Variants in CUBN observed in about 807,000 individuals in gnomAD.
The protein encoded by CUBN is 460 kDa receptor.
Under a neutral mutation model 405.3 loss-of-function variants are expected in CUBN, and 282 were observed. The ratio of observed to expected loss-of-function variants is 0.70; its 90% confidence interval spans 0.63 to 0.77. The LOEUF (loss-of-function observed/expected upper bound fraction) is 0.77, where lower values mean the gene tolerates loss of function less well. Among genes scored for constraint, CUBN ranks in the 30% least tolerant of loss-of-function variants. The pLI is 0.00. For missense variants in CUBN, 4,514 were observed against 4,475.2 expected, an observed-to-expected ratio of 1.01 and a Z score of -0.25; for synonymous variants, 1,684 against 1,617.0, an observed-to-expected ratio of 1.04 and a Z score of -0.99.
chr10:16,888,627 TG>T, intron 55 of CUBN, 61 bp from the exon 56 acceptor site: 1 of 1,501,592 alleles, frequency 6.7e-7, no homozygotes, highest in Non-Finnish European at 9.3e-7. Flanking sequence ...ATTTTGTCCA[TG>T]AAGGAAAGAG....
rs536070557 is a variant in CUBN, at chr10:17,111,527, T to G, written c.884-477A>C. Among the ~76,000 whole-genome samples the G allele has an allele frequency of 2.0e-5, 3 of 152,350 alleles. No individual in the cohort carries two copies. The South Asian group carries it at 6.2e-4, about 32-fold the overall frequency. Reference sequence around the variant, plus strand: ...AGCTGAACACCTTATGACTCATCTTTGTGACCAAATACTAAAAACGCTTTT... The same window carrying G: ...AGCTGAACACCTTATGACTCATCTTGGTGACCAAATACTAAAAACGCTTTT... On this transcript the variant is annotated intron_variant, in intron 8 of 66. Coordinates refer to ENST00000377833, the MANE Select transcript of CUBN (RefSeq NM_001081.4).
chr10:17,056,758 A>G (rs553594535), intron 22 of CUBN, among the ~76,000 whole-genome samples: 53 of 152,300 alleles, frequency 3.5e-4, no homozygotes, highest in African/African-American at 1.2e-3. Context: ...TACCATAAGG[A>G]AAAGAAAAGT....
chr10:17,007,850 A>C (rs2131752801), intron 28 of CUBN, among the ~76,000 whole-genome samples: 1 of 152,268 alleles, frequency 6.6e-6, no homozygotes, highest in African/African-American at 2.4e-5. Flanking sequence ...ACACACACTC[A>C]CACAAATGCA....
intron 56 of CUBN, among the ~76,000 whole-genome samples, chr10:16,883,275 T>C (rs1840715993): frequency 6.6e-6 from 1 of 152,090 alleles, no homozygotes; most frequent in African/African-American, 2.4e-5. Context: ...CTAAGTTCCA[T>C]TGCGCACGAA....
chr10:16,966,051 T>C (rs1325659910), intron 31 of CUBN: 21 of 467,028 alleles, frequency 4.5e-5, no homozygotes, highest in Non-Finnish European at 9.3e-5. Context: ...TGAAGCTAAG[T>C]GAGATATTCA....
intron 59 of CUBN, among the ~76,000 whole-genome samples, chr10:16,864,188 C>T (rs867627213): frequency 6.6e-6 from 1 of 152,134 alleles, no homozygotes; most frequent in Non-Finnish European, 1.5e-5. Context: ...AACAATTGTG[C>T]AAGGCCTGGG....
At chr10:17,106,700 C>CA (rs927667678) in intron 10 of CUBN, among the ~76,000 whole-genome samples, 5 of 151,832 alleles carry the variant, frequency 3.3e-5, no homozygotes, top group African/African-American at 1.2e-4. Flanking sequence ...GACACACACA[C>CA]ACAGCTAGAA....
intron 52 of CUBN, 47 bp from the exon 53 acceptor site, chr10:16,900,897 G>C: frequency 1.6e-6 from 2 of 1,285,520 alleles, no homozygotes; most frequent in Non-Finnish European, 1.1e-6. Context: ...TTTATCAACT[G>C]TTACGAAGAT....
intron 7 of CUBN, among the ~76,000 whole-genome samples, chr10:17,115,192 T>C (rs1488554098): frequency 1.4e-5 from 2 of 144,226 alleles, no homozygotes; most frequent in African/African-American, 2.6e-5. Context: ...TGCAGTGAGC[T>C]GAGATCGTGC....
At chr10:17,004,817 G>A (rs1174856690) in intron 28 of CUBN, among the ~76,000 whole-genome samples, 1 of 151,762 alleles carries the variant, frequency 6.6e-6, no homozygotes, top group East Asian at 1.9e-4. Flanking sequence ...TTACAGGCAC[G>A]CACCACCACA....
chr10:17,122,766 T>C lies in CUBN; in HGVS notation c.593+29A>G, dbSNP rs772034293. 14 of 1,345,334 alleles carry C rather than the reference T, an allele frequency of 1.0e-5. No homozygotes were observed. In the Admixed American group the frequency reaches 1.6e-4, roughly 15 times the overall value. The allele number at this position is 1,345,334 out of a possible 1,614,324, so 83.3% of individuals were successfully genotyped here. ...TTTTAGGCCTTCAAAAATATACTGA[T>C]ATTTACCAAAAAAAAAAAAAAAAGT... On this transcript the variant is annotated intron_variant, in intron 6 of 66. Transcript: ENST00000377833.
intron 49 of CUBN, 68 bp from the exon 50 acceptor site, chr10:16,906,477 T>A (rs753543727): frequency 5.5e-6 from 6 of 1,088,592 alleles, no homozygotes; most frequent in Admixed American, 5.1e-5. Context: ...AGATAAACAA[T>A]ACAGGAACAG....
chr10:16,993,075 A>T (rs1325156675), intron 28 of CUBN, among the ~76,000 whole-genome samples: 1 of 152,330 alleles, frequency 6.6e-6, no homozygotes, highest in East Asian at 1.9e-4. Flanking sequence ...TCGTGTTAAG[A>T]TGTACCACCT....
chr10:16,836,237 G>A lies in CUBN; in HGVS notation c.10178C>T (p.Ala3393Val). 2 of 1,612,994 alleles carry A rather than the reference G, an allele frequency of 1.2e-6. No homozygotes were observed. The highest frequency in any genetic ancestry group is 1.7e-6 in the Non-Finnish European group (2 of 1,179,016). The change falls in exon 63 of 67, where the codon GCA becomes GTA. Residue 3393 changes from alanine (A) to valine (V), a missense_variant and splice_region_variant. Transcript: ENST00000377833. ...AAAGATGAAGTTCCTGGCCTCACCT[G>A]CAATCTGATAGGTGAAACTCATTCT... is the stretch of plus-strand genomic sequence containing the variant. ...NSRMSFTYQI[A>V]DCNRDYHKAF... is the part of the protein sequence containing the mutation.
rs147160034 is a variant in CUBN, at chr10:16,877,032, T to G, written c.8971A>C (p.Met2991Leu). Residue 2991 changes from methionine to leucine, a missense_variant, in exon 57 of 67, where the codon ATG becomes CTG. Physicochemically the swap from Met to Leu is conservative, Grantham distance 15 (BLOSUM62 2). Coordinates refer to ENST00000377833, the MANE Select transcript of CUBN (RefSeq NM_001081.4). ...CACACAGTAGCAAATGGGGTGGACA[T>G]GACGCTGTAACCTCTGATAATGTGC... The part of the protein sequence containing the change: ...GVHIIRGYSV[M>L]STPFATVCGD... 6.2e-7 allele frequency: 1 copy of G among 1,614,142 alleles called. No individual in the cohort carries two copies. The highest frequency in any genetic ancestry group is 2.2e-5 in the East Asian group (1 of 44,876).
At chr10:17,111,982 AT>A (rs1394073568) in intron 8 of CUBN, among the ~76,000 whole-genome samples, 1 of 152,206 alleles carries the variant, frequency 6.6e-6, no homozygotes, top group Non-Finnish European at 1.5e-5. Flanking sequence ...TGGGGAAAGA[AT>A]TTTTTAAACT....
chr10:17,054,372 C>T (rs1251685490), intron 22 of CUBN, among the ~76,000 whole-genome samples: 2 of 149,506 alleles, frequency 1.3e-5, no homozygotes, highest in Non-Finnish European at 3.0e-5. Context: ...TGAAGTAGTG[C>T]TTAAAGGCTA....
Position 17,061,236 on chromosome 10 carries a change from T to G in CUBN, c.3139+4272A>C, listed in dbSNP as rs942258309. Among the ~76,000 whole-genome samples the G allele has an allele frequency of 3.3e-5, 5 of 152,180 alleles. No individual in the cohort carries two copies. In the East Asian group the frequency reaches 9.6e-4, roughly 29 times the overall value. On this transcript the variant is annotated intron_variant, in intron 22 of 66. Coordinates refer to ENST00000377833, the MANE Select transcript of CUBN (RefSeq NM_001081.4). Reference sequence around the variant, plus strand: ...GAGCAGTTACAGTCCAATCCACTATTGTATCTCCCTTGTAATTCTACAGCA... The same window carrying G: ...GAGCAGTTACAGTCCAATCCACTATGGTATCTCCCTTGTAATTCTACAGCA...
At chr10:16,960,214 G>A (rs1248668523) in intron 31 of CUBN, among the ~76,000 whole-genome samples, 6 of 152,140 alleles carry the variant, frequency 3.9e-5, no homozygotes, top group Admixed American at 1.3e-4. Flanking sequence ...ATATGAGGCC[G>A]GGTGCAGTGG....
Sources: gnomAD v4.1 joint callset for allele counts (sites outside exome capture counted in the v4.1 genomes callset) on GRCh38, gnomAD v4.1.1 for gene constraint, MANE v1.5 for transcripts, NCBI Gene and HGNC (gene_info 2026-07-23, HGNC 2026-07-21) for gene names.